RASGRF2: variants seen among roughly 807,000 people sequenced by gnomAD.
RASGRF2 encodes Ras protein specific guanine nucleotide releasing factor 2.
Under a neutral mutation model 151.0 loss-of-function variants are expected in RASGRF2, and 76 were observed. That is an observed-to-expected ratio of 0.50 (90% CI 0.42 to 0.61). The LOEUF (loss-of-function observed/expected upper bound fraction) is 0.61, where lower values mean the gene tolerates loss of function less well. Ranked by LOEUF, RASGRF2 falls within the 20% of genes least tolerant of loss-of-function variation. RASGRF2 has a pLI of 0.00. For synonymous variants in RASGRF2, 504 were observed against 566.5 expected (o/e 0.89, Z 1.57); for missense variants, 1,148 against 1,564.6 (o/e 0.73, Z 4.49).
intron 17 of RASGRF2, among the ~76,000 whole-genome samples, chr5:81,159,539 G>A (rs1022738637): frequency 6.6e-6 from 1 of 152,296 alleles, no homozygotes; most frequent in African/African-American, 2.4e-5. Flanking sequence ...ACAGAAAACC[G>A]ATTAGTGATT....
At position 80,960,762 on chromosome 5, in the gene RASGRF2, C is replaced by G. The variant is rs1747518926; in HGVS notation, c.24C>G (p.Asn8Lys). The change falls in exon 1 of 27, where the codon AAC (asparagine) becomes AAG (lysine). Residue 8 changes from asparagine (N) to lysine (K), a missense_variant. This residue lies in a region of RASGRF2 where 221 missense variants were observed against 271.3 expected (regional missense o/e 0.81). Transcript: ENST00000265080. This position sits in a 1 kb window ranked among gnomAD's most constrained non-coding sequence, Gnocchi z 5.5. The part of the protein sequence containing the change: MQKSVRY[N>K]EGHALYLAFL... ...CCATGCAGAAGAGCGTGCGCTACAA[C>G]GAGGGGCACGCCCTGTACCTGGCCT... The G allele has an allele frequency of 1.2e-6, 2 of 1,603,116 alleles. No individual in the cohort carries two copies. The highest frequency in any genetic ancestry group is 8.5e-7 in the Non-Finnish European group (1 of 1,172,922).
At chr5:81,137,668 CA>C (rs1253725606) in intron 17 of RASGRF2, among the ~76,000 whole-genome samples, 1 of 152,134 alleles carries the variant, frequency 6.6e-6, no homozygotes, top group Non-Finnish European at 1.5e-5. Context: ...AAGGCGTGAC[CA>C]CGTGAAGACA....
At chr5:80,988,763 A>G (rs910889102) in intron 1 of RASGRF2, among the ~76,000 whole-genome samples, 5 of 152,234 alleles carry the variant, frequency 3.3e-5, no homozygotes, top group Admixed American at 3.3e-4. Context: ...AAAATGTTGT[A>G]ATGTTGCTTA....
intron 1 of RASGRF2, among the ~76,000 whole-genome samples, chr5:80,994,620 A>G (rs1748773853): frequency 6.6e-6 from 1 of 152,164 alleles, no homozygotes; most frequent in African/African-American, 2.4e-5. Context: ...CAGATACGTG[A>G]TAATATGGTA....
At chr5:81,059,052 T>C (rs1751325926) in intron 2 of RASGRF2, among the ~76,000 whole-genome samples, 1 of 152,068 alleles carries the variant, frequency 6.6e-6, no homozygotes, top group Non-Finnish European at 1.5e-5. Flanking sequence ...ACCCCTACCC[T>C]TCTTTCTCAT....
chr5:81,015,396 T>TA (rs1345684452), intron 1 of RASGRF2, among the ~76,000 whole-genome samples: 5 of 151,968 alleles, frequency 3.3e-5, no homozygotes, highest in Admixed American at 6.6e-5. Context: ...AAAGTAAAAT[T>TA]AAAAAACCAA....
Position 81,162,832 on chromosome 5 carries a change from G to T in RASGRF2, c.2687-17343G>T, listed in dbSNP as rs189192627. Reference sequence around the variant, plus strand: ...ATTATCCATTAAAGTTTGGTTTGGGGGAACAAATGAGCTAATTTCCGTGGG... The same window carrying T: ...ATTATCCATTAAAGTTTGGTTTGGGTGAACAAATGAGCTAATTTCCGTGGG... On this transcript the variant is annotated intron_variant, in intron 17 of 26. Coordinates refer to ENST00000265080, the MANE Select transcript of RASGRF2 (RefSeq NM_006909.3). 6.6e-5 allele frequency among the ~76,000 whole-genome samples: 10 copies of T among 152,264 alleles called. No homozygotes were observed. In the East Asian group the frequency reaches 1.2e-3, roughly 18 times the overall value.
At chr5:81,043,794 T>A (rs1331195342) in intron 2 of RASGRF2, among the ~76,000 whole-genome samples, 1 of 152,156 alleles carries the variant, frequency 6.6e-6, no homozygotes, top group Non-Finnish European at 1.5e-5. Flanking sequence ...ATGCTTTCTT[T>A]TTCTTCACCT....
intron 2 of RASGRF2, among the ~76,000 whole-genome samples, chr5:81,060,057 G>C (rs1227856121): frequency 2.0e-5 from 3 of 152,132 alleles, no homozygotes; most frequent in Admixed American, 2.0e-4. Context: ...AGAGAGAGAA[G>C]ATGCCACACA....
intron 2 of RASGRF2, among the ~76,000 whole-genome samples, chr5:81,067,321 A>G (rs986645773): frequency 5.3e-5 from 8 of 152,222 alleles, no homozygotes; most frequent in African/African-American, 1.9e-4. Context: ...ATCTGGAGGC[A>G]AAATTTTAGA....
At chr5:81,070,379 G>T (rs759997645) in intron 3 of RASGRF2, 113 bp from the exon 4 acceptor site, 2 of 791,678 alleles carry the variant, frequency 2.5e-6, no homozygotes, top group Admixed American at 3.9e-5. Flanking sequence ...TGCATAAAAA[G>T]TGGGTGTTTC....
intron 1 of RASGRF2, among the ~76,000 whole-genome samples, chr5:80,988,008 CGTGTGTGTGTGTGTGT>C (rs58750663): frequency 7.0e-4 from 97 of 139,492 alleles, no homozygotes; most frequent in Non-Finnish European, 1.3e-3. Flanking sequence ...AATAAATGTG[CGTGTGTGTGTGTGTGT>C]GTGTGTGTGT....
chr5:81,128,397 A>G (rs182698497), intron 17 of RASGRF2, among the ~76,000 whole-genome samples: 22 of 152,342 alleles, frequency 1.4e-4, no homozygotes, highest in Non-Finnish European at 7.3e-5. Context: ...AGGCATATAC[A>G]ATAAAAAATA....
At chr5:81,165,870 C>T (rs79437297) in intron 17 of RASGRF2, among the ~76,000 whole-genome samples, 3,642 of 147,566 alleles carry the variant, frequency 0.025, 135 homozygotes, top group African/African-American at 0.085. Context: ...CTTCTATAAG[C>T]CCTGGGACTT....
chr5:81,089,392 A>G (rs982370275), intron 9 of RASGRF2, among the ~76,000 whole-genome samples: 4 of 151,988 alleles, frequency 2.6e-5, no homozygotes, highest in Non-Finnish European at 5.9e-5. Flanking sequence ...CCTTATGTGA[A>G]TTTTTATTCA....
chr5:81,101,742 A>G (rs1358643518), intron 12 of RASGRF2, among the ~76,000 whole-genome samples: 4 of 151,834 alleles, frequency 2.6e-5, no homozygotes, highest in Non-Finnish European at 5.9e-5. Context: ...TTAAAATATG[A>G]CTTCATTATA....
chr5:81,059,105 T>C (rs951214502), intron 2 of RASGRF2, among the ~76,000 whole-genome samples: 4 of 152,206 alleles, frequency 2.6e-5, no homozygotes, highest in Admixed American at 1.3e-4. Context: ...AAATCTTGGC[T>C]GGGCGCAGTG....
At chr5:81,098,508 G>C (rs1752608748) in intron 12 of RASGRF2, among the ~76,000 whole-genome samples, 1 of 152,294 alleles carries the variant, frequency 6.6e-6, no homozygotes, top group African/African-American at 2.4e-5. Flanking sequence ...GGAGAATAGT[G>C]AAGAGGACCA....
At chr5:81,119,955 G>A (rs1163134169) in intron 15 of RASGRF2, among the ~76,000 whole-genome samples, 1 of 152,072 alleles carries the variant, frequency 6.6e-6, no homozygotes, top group Admixed American at 6.6e-5. Flanking sequence ...TCCACTCTGG[G>A]TAATGGAGAA....
Sources: gnomAD v4.1 joint callset for allele counts (sites outside exome capture counted in the v4.1 genomes callset) on GRCh38, gnomAD v4.1.1 for gene constraint, gnomAD v4.1.1 regional missense constraint, Gnocchi (gnomAD v3.1) non-coding constraint, MANE v1.5 for transcripts, NCBI Gene and HGNC (gene_info 2026-07-23, HGNC 2026-07-21) for gene names.